YARS1: variants seen among roughly 807,000 people sequenced by gnomAD.
YARS1 encodes the protein tyrosyl-tRNA synthetase 1, also known as tyrosine--tRNA ligase, cytoplasmic.
In YARS1, 36 loss-of-function variants were observed where a neutral mutation model predicts 62.2. The observed-to-expected ratio is 0.58, with a 90% CI of 0.44 to 0.76. The LOEUF is 0.76. YARS1 is among the 30% of genes least tolerant of loss of function. The pLI is 0.00. For missense variants in YARS1, 524 were observed against 639.8 expected (o/e 0.82, Z 1.95); for synonymous variants, 234 against 244.9 (o/e 0.96, Z 0.42).
At chr1:32,804,316 C>T (rs996494070) in intron 4 of YARS1, among the ~76,000 whole-genome samples, 18 of 133,054 alleles carry the variant, frequency 1.4e-4, no homozygotes, top group Non-Finnish European at 2.1e-4. Context: ...ACGGGGCGGC[C>T]GGTCAGAGGC....
At chr1:32,779,780 C>A in intron 11 of YARS1, 1 of 615,622 alleles carries the variant, frequency 1.6e-6, no homozygotes, top group Non-Finnish European at 2.8e-6. Flanking sequence ...AATAACGTAG[C>A]GAGGACTTTA....
chr1:32,814,116 A>G (rs752823154), intron 1 of YARS1, among the ~76,000 whole-genome samples: 2 of 152,088 alleles, frequency 1.3e-5, no homozygotes, highest in Non-Finnish European at 2.9e-5. Context: ...TATCAACCCA[A>G]TCATTCAAAC....
rs371288182 is a variant in YARS1, at chr1:32,805,700, G to A, written c.510+782C>T. ...TGTGCGGCCGGGCACGGTAGCTCAC[G>A]TCTATAATCCCAGCACTGTGGGAGG... On this transcript the variant is annotated intron_variant, in intron 4 of 12. Transcript: ENST00000373477. Among the ~76,000 whole-genome samples, 7 of 152,252 alleles carry A rather than the reference G, an allele frequency of 4.6e-5. No homozygotes were observed. The East Asian group carries it at 7.7e-4, about 17-fold the overall frequency.
chr1:32,778,648 C>T (rs1234196694), intron 12 of YARS1, among the ~76,000 whole-genome samples: 1 of 151,488 alleles, frequency 6.6e-6, no homozygotes, highest in East Asian at 1.9e-4. Flanking sequence ...ACCTCATGAT[C>T]CTCCCGTCTT....
chr1:32,816,301 T>C (rs1638729872), intron 1 of YARS1, among the ~76,000 whole-genome samples: 1 of 152,082 alleles, frequency 6.6e-6, no homozygotes, highest in Admixed American at 6.6e-5. Flanking sequence ...CAATTTAAAA[T>C]TGAACAGAAT....
chr1:32,810,145 G>T (rs1302671538), intron 3 of YARS1, among the ~76,000 whole-genome samples: 1 of 150,202 alleles, frequency 6.7e-6, no homozygotes, highest in Admixed American at 6.6e-5. Context: ...ATTAGGACAC[G>T]AAATATCTAT....
intron 4 of YARS1, among the ~76,000 whole-genome samples, chr1:32,804,456 G>A (rs531427204): frequency 6.6e-6 from 1 of 151,760 alleles, no homozygotes; most frequent in Admixed American, 6.5e-5. Flanking sequence ...GCCGGGCGGA[G>A]ACGCTCCTCA....
At chr1:32,815,340 A>T (rs1638683452) in intron 1 of YARS1, among the ~76,000 whole-genome samples, 2 of 151,922 alleles carry the variant, frequency 1.3e-5, no homozygotes, top group Non-Finnish European at 2.9e-5. Flanking sequence ...CAAGAGATAA[A>T]CTCCGTTCCA....
At chr1:32,787,225 G>A in intron 6 of YARS1, 150 bp from the exon 7 acceptor site, 1 of 905,224 alleles carries the variant, frequency 1.1e-6, no homozygotes, top group Non-Finnish European at 1.7e-6. Context: ...AGCCTCCTGG[G>A]CTCAAGAGAT....
At chr1:32,796,362 TTC>T (rs1406248706) in intron 5 of YARS1, among the ~76,000 whole-genome samples, 3 of 147,062 alleles carry the variant, frequency 2.0e-5, no homozygotes, top group African/African-American at 7.7e-5. Context: ...ATTTATTTTT[TTC>T]TTTTTTGTTT....
At chr1:32,816,196 G>A (rs544014099) in intron 1 of YARS1, among the ~76,000 whole-genome samples, 1 of 152,054 alleles carries the variant, frequency 6.6e-6, no homozygotes, top group Admixed American at 6.6e-5. Context: ...CTTTAAAAGG[G>A]TGAATTTTAT....
chr1:32,779,839 G>T, intron 11 of YARS1: 1 of 614,222 alleles, frequency 1.6e-6, no homozygotes, highest in Non-Finnish European at 2.9e-6. Context: ...CTTACTAGTA[G>T]TAAGACTTGG....
At position 32,776,498 on chromosome 1, in the gene YARS1, TAAG is replaced by T. The variant is rs1652865158; in HGVS notation, c.1477-410_1477-408del. 6.6e-6 allele frequency among the ~76,000 whole-genome samples: 1 copy of T among 152,212 alleles called. No individual in the cohort carries two copies. Among genetic ancestry groups the T allele is most frequent in the Non-Finnish European group, 1.5e-5 (1 of 68,040 alleles). On this transcript the variant is annotated intron_variant, in intron 12 of 12. Coordinates refer to ENST00000373477, the MANE Select transcript of YARS1 (RefSeq NM_003680.4). The surrounding 1 kb of genome is among the most constrained non-coding windows in gnomAD (Gnocchi z 4.0). ...GTAAGGTAAGCTGGCTCAGCTTTTC[TAAG>T]AAATGTTTGTCAAAAGCTTTCACAT... is the stretch of plus-strand genomic sequence containing the variant.
At chr1:32,783,885 T>A (rs1435567378) in intron 8 of YARS1, 5 of 152,246 alleles carry the variant, frequency 3.3e-5, no homozygotes, top group Admixed American at 3.3e-4. Flanking sequence ...AACAGCCACA[T>A]GTGGCTTCTG....
At chr1:32,801,313 A>G (rs1359751563) in intron 4 of YARS1, among the ~76,000 whole-genome samples, 1 of 151,562 alleles carries the variant, frequency 6.6e-6, no homozygotes, top group African/African-American at 2.4e-5. Context: ...AAAGTGACTC[A>G]CTTGGATTTT....
chr1:32,816,443 TTTG>T (rs1638735517), intron 1 of YARS1, among the ~76,000 whole-genome samples: 1 of 151,888 alleles, frequency 6.6e-6, no homozygotes, highest in South Asian at 2.1e-4. Context: ...TGCCAGAGGG[TTTG>T]TTATTTAAAT....
intron 1 of YARS1, chr1:32,811,406 C>T (rs577462974): frequency 7.8e-4 from 284 of 366,228 alleles, no homozygotes; most frequent in Admixed American, 1.5e-3. Context: ...GCTATAGCCG[C>T]AGTTCCCAGG....
At position 32,776,438 on chromosome 1, in the gene YARS1, C is replaced by T. The variant is rs572385938; in HGVS notation, c.1477-347G>A. Reference sequence around the variant, plus strand: ...TTGGGATTACAGGCGTGAGCCACTGCGCCCAGCCTGAAAACTCTCTTATAT... The same window carrying T: ...TTGGGATTACAGGCGTGAGCCACTGTGCCCAGCCTGAAAACTCTCTTATAT... On this transcript the variant is annotated intron_variant, in intron 12 of 12. Transcript: ENST00000373477. This position sits in a 1 kb window ranked among gnomAD's most constrained non-coding sequence, Gnocchi z 4.0. Among the ~76,000 whole-genome samples the T allele has an allele frequency of 3.9e-5, 6 of 152,246 alleles. No homozygotes were observed. The highest frequency in any genetic ancestry group is 1.4e-4 in the African/African-American group (6 of 41,556).
chr1:32,799,977 T>G (rs1021324017), intron 4 of YARS1, among the ~76,000 whole-genome samples: 1 of 151,610 alleles, frequency 6.6e-6, no homozygotes, highest in Non-Finnish European at 1.5e-5. Flanking sequence ...AGAACTAGCA[T>G]GTCTCCGGGT....
Sources: allele counts gnomAD v4.1 joint callset (sites outside exome capture counted in the v4.1 genomes callset), GRCh38; gene constraint gnomAD v4.1.1; non-coding constraint Gnocchi (gnomAD v3.1); transcripts MANE v1.5; gene names NCBI Gene and HGNC (gene_info 2026-07-23, HGNC 2026-07-21).